LMO7: variants seen among roughly 807,000 people sequenced by gnomAD.
The protein encoded by LMO7 is LIM domain 7.
In LMO7, 120 loss-of-function variants were observed where a neutral mutation model predicts 206.5. That is an observed-to-expected ratio of 0.58 (90% CI 0.50 to 0.68). The LOEUF (loss-of-function observed/expected upper bound fraction) is 0.68, where lower values mean the gene tolerates loss of function less well. Ranked by LOEUF, LMO7 falls within the 30% of genes least tolerant of loss-of-function variation. The probability of loss-of-function intolerance (pLI) is 0.00; values close to 1 mark genes in which losing one functional copy is unlikely to be tolerated. For missense variants in LMO7, 1,959 were observed against 1,957.9 expected, an observed-to-expected ratio of 1.00 and a Z score of -0.01; for synonymous variants, 706 against 681.5, an observed-to-expected ratio of 1.04 and a Z score of -0.56.
At chr13:75,785,523 A>G (rs1449139884) in intron 4 of LMO7, among the ~76,000 whole-genome samples, 1 of 152,206 alleles carries the variant, frequency 6.6e-6, no homozygotes, top group Non-Finnish European at 1.5e-5. Context: ...TAAACAGATC[A>G]CAACTAGAAA....
intron 3 of LMO7, among the ~76,000 whole-genome samples, chr13:75,753,558 G>A (rs963155450): frequency 1.7e-4 from 26 of 152,114 alleles, no homozygotes; most frequent in Non-Finnish European, 2.8e-4. Context: ...CCCAGGTGTC[G>A]TGGGAAGGAC....
intron 1 of LMO7, among the ~76,000 whole-genome samples, chr13:75,677,004 C>T (rs926521200): frequency 2.0e-5 from 3 of 152,016 alleles, no homozygotes; most frequent in African/African-American, 7.2e-5. Flanking sequence ...TTTTGAACAA[C>T]TTTTCTTTTT....
intron 3 of LMO7, among the ~76,000 whole-genome samples, chr13:75,743,255 TTGG>T (rs1489800659): frequency 6.6e-6 from 1 of 152,048 alleles, no homozygotes; most frequent in African/African-American, 2.4e-5. Flanking sequence ...AAATAAACTG[TTGG>T]TGGGAGTGTA....
intron 9 of LMO7, chr13:75,806,033 C>T (rs1018276099): frequency 8.4e-7 from 1 of 1,190,476 alleles, no homozygotes; most frequent in African/African-American, 1.6e-5. Flanking sequence ...TCCCTCTTCC[C>T]TTCTTTTCTT....
At chr13:75,808,236 G>T (rs1286209146) in intron 10 of LMO7, 37 bp downstream of exon 10, 2 of 1,556,514 alleles carry the variant, frequency 1.3e-6, no homozygotes, top group African/African-American at 2.7e-5. Flanking sequence ...TGCTTGTAAT[G>T]GATGGTCTTG....
chr13:75,822,594 A>G (rs2057686663), intron 14 of LMO7, among the ~76,000 whole-genome samples: 1 of 151,672 alleles, frequency 6.6e-6, no homozygotes, highest in African/African-American at 2.4e-5. Flanking sequence ...AAGCACAAAG[A>G]AGTATGTTCA....
At chr13:75,855,577 A>G (rs115925998) in intron 29 of LMO7, among the ~76,000 whole-genome samples, 233 of 152,240 alleles carry the variant, frequency 1.5e-3, no homozygotes, top group African/African-American at 5.3e-3. Context: ...AAAATTTTGC[A>G]TTTTCTATTT....
chr13:75,808,338 G>C, intron 10 of LMO7, 139 bp downstream of exon 10: 1 of 1,033,056 alleles, frequency 9.7e-7, no homozygotes, highest in Non-Finnish European at 1.4e-6. Flanking sequence ...AATTTAATTT[G>C]CTTTGAAAAA....
chr13:75,627,320 C>T (rs1593852804), intron 2 of LMO7: 1 of 152,120 alleles, frequency 6.6e-6, no homozygotes, highest in African/African-American at 2.4e-5. Context: ...CAACTGTAGG[C>T]TAATGTATGT....
At chr13:75,748,811 C>T (rs201734132) in intron 3 of LMO7, among the ~76,000 whole-genome samples, 71 of 126,190 alleles carry the variant, frequency 5.6e-4, no homozygotes, top group Middle Eastern at 4.6e-3. Context: ...TTCTTTCTTT[C>T]TTTCTTTTTT....
chr13:75,844,299 T>C (rs1469180990), intron 25 of LMO7, among the ~76,000 whole-genome samples: 1 of 151,724 alleles, frequency 6.6e-6, no homozygotes, highest in Non-Finnish European at 1.5e-5. Context: ...TTATAAATTA[T>C]TGGATTTACA....
intron 2 of LMO7, among the ~76,000 whole-genome samples, chr13:75,720,914 T>C (rs1803700518): frequency 1.3e-5 from 2 of 152,342 alleles, no homozygotes; most frequent in South Asian, 4.1e-4. Flanking sequence ...TAAATATTTA[T>C]ATTGAATGCT....
chr13:75,696,188 C>G (rs2041889060), intron 1 of LMO7, among the ~76,000 whole-genome samples: 1 of 152,130 alleles, frequency 6.6e-6, no homozygotes, highest in African/African-American at 2.4e-5. Flanking sequence ...AACCCTGTCT[C>G]TACTAAAAAT....
rs780831914 is a variant in LMO7 at position 75,835,357 on chromosome 13, T to G, written c.3333+18T>G. ...AGAGTTCTGTGAGTATTTGGAGAAG[T>G]AGGAAGTACTGGTGTGGAGTAAAGC... On this transcript the variant is annotated intron_variant, in intron 18 of 30. Transcript: ENST00000377534. 1.2e-5 allele frequency: 19 copies of G among 1,531,186 alleles called. 1 individual carries two copies. In the South Asian group the frequency reaches 2.3e-4, roughly 19 times the overall value. The allele number at this position is 1,531,186 out of a possible 1,614,324, so 94.8% of individuals were successfully genotyped here. A position where few individuals can be genotyped will look rare whatever the true frequency, so the allele number is the denominator to read the frequency against.
intron 3 of LMO7, among the ~76,000 whole-genome samples, chr13:75,738,868 C>T (rs1260261505): frequency 1.3e-5 from 2 of 152,156 alleles, no homozygotes; most frequent in Admixed American, 1.3e-4. Flanking sequence ...AACCCCAAAA[C>T]CTATAGTCAG....
intron 1 of LMO7, among the ~76,000 whole-genome samples, chr13:75,669,378 G>A (rs1014613615): frequency 4.0e-5 from 6 of 151,752 alleles, no homozygotes; most frequent in East Asian, 1.9e-4. Context: ...TGACCCCCCC[G>A]CCGCCCCGCC....
chr13:75,776,182 T>TATATCGG lies in LMO7; in HGVS notation c.317+15148_317+15149insCGGATAT, dbSNP rs1555317334. ...TATCGGATATATATATATATATATA[T>TATATCGG]ATATATATATATATATATATATAAC... On this transcript the variant is annotated intron_variant, in intron 4 of 30. Transcript: ENST00000377534. 8.2e-4 allele frequency among the ~76,000 whole-genome samples: 64 copies of TATATCGG among 78,334 alleles called. 3 individuals carry two copies. The highest frequency in any genetic ancestry group is 1.4e-3 in the Non-Finnish European group (53 of 38,584). The allele number at this position is 78,334 out of a possible 152,430, so 51.4% of individuals were successfully genotyped here.
intron 1 of LMO7, among the ~76,000 whole-genome samples, chr13:75,659,702 A>T (rs1290352585): frequency 1.3e-5 from 2 of 152,218 alleles, no homozygotes; most frequent in Non-Finnish European, 2.9e-5. Context: ...TTGAGATTTG[A>T]TGGGGACACA....
chr13:75,653,276 G>T (rs2037753814), intron 1 of LMO7, among the ~76,000 whole-genome samples: 1 of 152,216 alleles, frequency 6.6e-6, no homozygotes, highest in Non-Finnish European at 1.5e-5. Context: ...AGATGAAATG[G>T]CTGAGGTAAA....
Sources: allele counts gnomAD v4.1 joint callset (sites outside exome capture counted in the v4.1 genomes callset), GRCh38; gene constraint gnomAD v4.1.1; transcripts MANE v1.5; gene names NCBI Gene and HGNC (gene_info 2026-07-23, HGNC 2026-07-21).